PRKG1: variants seen among roughly 807,000 people sequenced by gnomAD.
PRKG1 encodes the protein cGMP-dependent protein kinase 1.
A neutral mutation model predicts 88.1 loss-of-function variants in PRKG1; 35 were observed. The observed-to-expected ratio is 0.40, with a 90% confidence interval of 0.30 to 0.53. PRKG1 has a LOEUF of 0.53. Ranked by LOEUF, PRKG1 falls within the 20% of genes least tolerant of loss-of-function variation. The pLI, the probability that PRKG1 is intolerant of heterozygous loss-of-function variation, is 0.59. For synonymous variants in PRKG1, 303 were observed against 292.5 expected (o/e 1.04, Z -0.37); for missense variants, 540 against 839.8 (o/e 0.64, Z 4.41).
chr10:51,007,276 T>A (rs1842951273), intron 1 of PRKG1, among the ~76,000 whole-genome samples: 1 of 152,156 alleles, frequency 6.6e-6, no homozygotes, highest in Admixed American at 6.5e-5. Context: ...TAGTTATCTC[T>A]CAGGTGTTCC....
At chr10:51,824,386 G>A (rs1392640874) in intron 4 of PRKG1, among the ~76,000 whole-genome samples, 1 of 146,188 alleles carries the variant, frequency 6.8e-6, no homozygotes, top group South Asian at 2.1e-4. Context: ...TTTTCTTTTG[G>A]AAATTTTGTT....
chr10:52,101,585 T>A (rs1351389137), intron 7 of PRKG1, among the ~76,000 whole-genome samples: 1 of 152,192 alleles, frequency 6.6e-6, no homozygotes. Flanking sequence ...AATGAATTCT[T>A]ACTGGGCCAA....
chr10:51,819,384 C>T lies in PRKG1; in HGVS notation c.698+14694C>T, dbSNP rs1329689660. On this transcript the variant is annotated intron_variant, in intron 4 of 17. Transcript: ENST00000373980. Reference sequence around the variant, plus strand: ...ATAACCCAAATACCTCCCATTAGGCCCCACCTCCAACACTGGGGATCAAAT... The same window carrying T: ...ATAACCCAAATACCTCCCATTAGGCTCCACCTCCAACACTGGGGATCAAAT... Among the ~76,000 whole-genome samples the T allele has an allele frequency of 2.0e-5, 3 of 152,040 alleles. No individual in the cohort carries two copies. In the East Asian group the frequency reaches 5.8e-4, roughly 29 times the overall value.
intron 1 of PRKG1, among the ~76,000 whole-genome samples, chr10:51,000,100 T>C (rs181705562): frequency 2.2e-4 from 33 of 152,368 alleles, no homozygotes; most frequent in Admixed American, 1.3e-3. Context: ...TCCAATATCC[T>C]GTGCTTTACT....
At position 51,332,033 on chromosome 10, in the gene PRKG1, A is replaced by G. The variant is rs148950863; in HGVS notation, c.479-135690A>G. Among the ~76,000 whole-genome samples, 127 of 152,344 alleles carry G rather than the reference A, an allele frequency of 8.3e-4. 3 individuals are homozygous for G. The East Asian group carries it at 0.022, about 27-fold the overall frequency. On this transcript the variant is annotated intron_variant, in intron 2 of 17. Coordinates refer to ENST00000373980, the MANE Select transcript of PRKG1 (RefSeq NM_006258.4). ...GCCCTCAACTAAATATTTCTTTGGT[A>G]AACATTCTTTTGACATGAAATCTTA...
intron 5 of PRKG1, among the ~76,000 whole-genome samples, chr10:52,000,949 T>C (rs1262500932): frequency 6.6e-6 from 1 of 152,022 alleles, no homozygotes; most frequent in Non-Finnish European, 1.5e-5. Flanking sequence ...AAAAAATGAC[T>C]TCAATTTTTT....
intron 5 of PRKG1, among the ~76,000 whole-genome samples, chr10:51,935,771 T>C (rs1842787796): frequency 6.6e-6 from 1 of 152,174 alleles, no homozygotes; most frequent in South Asian, 2.1e-4. Context: ...TTGGCTATTA[T>C]ATTGTCACCT....
At chr10:51,397,498 C>T (rs1030106807) in intron 2 of PRKG1, among the ~76,000 whole-genome samples, 1 of 152,154 alleles carries the variant, frequency 6.6e-6, no homozygotes, top group Non-Finnish European at 1.5e-5. Flanking sequence ...CCTAGAGGCC[C>T]TCGAGTTGGA....
At chr10:51,997,563 A>T (rs979271940) in intron 5 of PRKG1, among the ~76,000 whole-genome samples, 4 of 152,096 alleles carry the variant, frequency 2.6e-5, no homozygotes, top group Admixed American at 6.6e-5. Flanking sequence ...CTAGAAAAAT[A>T]TTGAGAGAAA....
At chr10:51,536,538 T>C (rs1842155069) in intron 3 of PRKG1, among the ~76,000 whole-genome samples, 1 of 152,148 alleles carries the variant, frequency 6.6e-6, no homozygotes, top group African/African-American at 2.4e-5. Context: ...CTTTAGTTTA[T>C]TTAGGTTCCA....
At chr10:51,914,878 A>T (rs572506040) in intron 5 of PRKG1, among the ~76,000 whole-genome samples, 21 of 152,350 alleles carry the variant, frequency 1.4e-4, no homozygotes, top group African/African-American at 5.1e-4. Context: ...TTACTAAATT[A>T]TTAATTGGAA....
chr10:51,344,472 C>T (rs1842069703), intron 2 of PRKG1, among the ~76,000 whole-genome samples: 1 of 152,190 alleles, frequency 6.6e-6, no homozygotes, highest in Non-Finnish European at 1.5e-5. Flanking sequence ...CAGACACACT[C>T]AGGGCTTAAA....
At chr10:51,685,907 T>C (rs10740321) in intron 3 of PRKG1, among the ~76,000 whole-genome samples, 94,391 of 151,912 alleles carry the variant, frequency 0.62, 29,516 homozygotes, top group African/African-American at 0.67. Context: ...AGACCACTCT[T>C]CAGCCCTGGT....
chr10:51,508,668 CTG>C (rs759495830), intron 3 of PRKG1, among the ~76,000 whole-genome samples: 1 of 152,048 alleles, frequency 6.6e-6, no homozygotes, highest in Non-Finnish European at 1.5e-5. Context: ...TGACAGAAAA[CTG>C]TCTCAGTACT....
At chr10:52,017,646 A>G (rs912255858) in intron 5 of PRKG1, among the ~76,000 whole-genome samples, 1 of 152,206 alleles carries the variant, frequency 6.6e-6, no homozygotes, top group Non-Finnish European at 1.5e-5. Flanking sequence ...TGATACTTGC[A>G]AAATGCCTAG....
intron 3 of PRKG1, among the ~76,000 whole-genome samples, chr10:51,773,330 A>G (rs984195235): frequency 3.9e-5 from 6 of 152,084 alleles, no homozygotes; most frequent in Admixed American, 1.3e-4. Context: ...ACTTCTCTGC[A>G]AATACAGATT....
intron 2 of PRKG1, among the ~76,000 whole-genome samples, chr10:51,373,138 G>A (rs1448604555): frequency 6.6e-6 from 1 of 152,042 alleles, no homozygotes; most frequent in Non-Finnish European, 1.5e-5. Flanking sequence ...ATAGCATAGT[G>A]GTTTAAAATA....
intron 3 of PRKG1, among the ~76,000 whole-genome samples, chr10:51,793,003 A>G (rs4526727): frequency 0.042 from 6,377 of 152,080 alleles, 440 homozygotes; most frequent in African/African-American, 0.14. Context: ...CCACAGGGAT[A>G]AACAAAAATC....
chr10:51,412,225 GAA>G lies in PRKG1; in HGVS notation c.479-55496_479-55495del, dbSNP rs1263804772. 7.6e-5 allele frequency among the ~76,000 whole-genome samples: 11 copies of G among 144,772 alleles called. No individual in the cohort carries two copies. The East Asian group carries it at 1.8e-3, about 23-fold the overall frequency. The allele number at this position is 144,772 out of a possible 152,430, so 95.0% of individuals were successfully genotyped here. On this transcript the variant is annotated intron_variant, in intron 2 of 17. Transcript: ENST00000373980. ...AGAGAGAGAGAGAGAAAGAAAGAGA[GAA>G]AGAATTGTTCAGAAAATTATTCAGA...
Sources: gnomAD v4.1 joint callset for allele counts (sites outside exome capture counted in the v4.1 genomes callset) on GRCh38, gnomAD v4.1.1 for gene constraint, MANE v1.5 for transcripts, NCBI Gene and HGNC (gene_info 2026-07-23, HGNC 2026-07-21) for gene names.